DLG1: variants seen among roughly 807,000 people sequenced by gnomAD.
The protein encoded by DLG1 is disks large homolog 1.
In DLG1, 42 loss-of-function variants were observed where a neutral mutation model predicts 123.4. That is an observed-to-expected ratio of 0.34 (90% confidence interval 0.27 to 0.44). The LOEUF (loss-of-function observed/expected upper bound fraction) is 0.44, where lower values mean the gene tolerates loss of function less well. Among genes scored for constraint, DLG1 ranks in the 20% least tolerant of loss-of-function variants. The probability of loss-of-function intolerance (pLI) is 1.00; values close to 1 mark genes in which losing one functional copy is unlikely to be tolerated. For missense variants in DLG1, 942 were observed against 1,082.6 expected, an observed-to-expected ratio of 0.87 and a Z score of 1.82; for synonymous variants, 317 against 356.2, an observed-to-expected ratio of 0.89 and a Z score of 1.24.
chr3:197,194,352 C>CT, intron 5 of DLG1, 73 bp downstream of exon 5: 3 of 1,027,080 alleles, frequency 2.9e-6, no homozygotes, highest in Non-Finnish European at 3.9e-6. Flanking sequence ...GAATACTTCT[C>CT]TCCGAGCATG....
chr3:197,176,709 G>A (rs972379248), intron 5 of DLG1, among the ~76,000 whole-genome samples: 2 of 152,096 alleles, frequency 1.3e-5, no homozygotes, highest in African/African-American at 2.4e-5. Context: ...ACACACTGAG[G>A]AATATGTTGG....
chr3:197,071,669 C>A (rs1341432488), intron 18 of DLG1, among the ~76,000 whole-genome samples: 1 of 152,052 alleles, frequency 6.6e-6, no homozygotes, highest in Non-Finnish European at 1.5e-5. Context: ...AGTCAAATAA[C>A]CAATAAACAT....
At chr3:197,277,211 G>GTT (rs1020999300) in intron 4 of DLG1, among the ~76,000 whole-genome samples, 1 of 144,180 alleles carries the variant, frequency 6.9e-6, no homozygotes. Context: ...TACTTTTATG[G>GTT]TTTTTTTTTT....
chr3:197,257,454 G>A (rs1757370823), intron 4 of DLG1, among the ~76,000 whole-genome samples: 1 of 152,096 alleles, frequency 6.6e-6, no homozygotes, highest in South Asian at 2.1e-4. Flanking sequence ...ATGAACTTTT[G>A]GCAAGTAGGA....
At chr3:197,159,426 C>CT (rs1797874016) in intron 5 of DLG1, among the ~76,000 whole-genome samples, 1 of 152,152 alleles carries the variant, frequency 6.6e-6, no homozygotes, top group South Asian at 2.1e-4. Context: ...CGTTACCCCC[C>CT]ATTTTAATAG....
chr3:197,114,404 ATAGAAACAACACGCC>A (rs1466939567), intron 13 of DLG1, among the ~76,000 whole-genome samples: 1 of 152,254 alleles, frequency 6.6e-6, no homozygotes. Context: ...CTTTCGTTAA[ATAGAAACAACACGCC>A]AGACAACATA....
chr3:197,138,302 G>A lies in DLG1; in HGVS notation c.803C>T (p.Ser268Phe). ...KAVEALKEAG[S>F]IVRLYVKRRK... ...TCTTTTTACATACAAGCGTACAATAGACCCTGCTTCTTTCAACGCTTCAAC... is the reference window on the plus strand; with the variant it reads ...TCTTTTTACATACAAGCGTACAATAAACCCTGCTTCTTTCAACGCTTCAAC... Residue 268 changes from serine (S) to phenylalanine (F), a missense_variant, in exon 9 of 25, where the codon TCT becomes TTT. Ser to Phe is a radical substitution (Grantham distance 155). Transcript: ENST00000667157. 1.9e-6 allele frequency: 3 copies of A among 1,603,410 alleles called. No individual in the cohort carries two copies. The highest frequency in any genetic ancestry group is 1.3e-5 in the African/African-American group (1 of 74,790).
intron 5 of DLG1, among the ~76,000 whole-genome samples, chr3:197,190,827 G>A (rs1470512311): frequency 2.0e-5 from 3 of 152,164 alleles, no homozygotes; most frequent in Non-Finnish European, 2.9e-5. Flanking sequence ...TGGCTAACAC[G>A]GTGAAACCCC....
intron 4 of DLG1, among the ~76,000 whole-genome samples, chr3:197,244,313 T>C (rs1032156850): frequency 5.9e-5 from 9 of 152,302 alleles, no homozygotes; most frequent in African/African-American, 2.2e-4. Flanking sequence ...ATACAGTTCA[T>C]GCCTGGTAGA....
In DLG1 at chr3:197,176,254, A is replaced by G. The variant is rs147196053; in HGVS notation, c.483+18171T>C. ...TGCCCCCTGCTCACACACATAAACT[A>G]TCCATAATCAACACCCCTGCATTTC... On this transcript the variant is annotated intron_variant, in intron 5 of 24. Transcript: ENST00000667157. 5.9e-5 allele frequency among the ~76,000 whole-genome samples: 9 copies of G among 152,170 alleles called. No individual in the cohort carries two copies. In the East Asian group the frequency reaches 7.7e-4, roughly 13 times the overall value.
At chr3:197,103,625 TG>T (rs1196737097) in intron 14 of DLG1, among the ~76,000 whole-genome samples, 2 of 151,322 alleles carry the variant, frequency 1.3e-5, no homozygotes, top group African/African-American at 4.9e-5. Context: ...AATTTTCCCC[TG>T]TTTAGTTACT....
intron 11 of DLG1, among the ~76,000 whole-genome samples, chr3:197,121,367 A>G (rs977914216): frequency 6.6e-6 from 1 of 152,178 alleles, no homozygotes; most frequent in African/African-American, 2.4e-5. Context: ...ATATATTAAG[A>G]TGAATGATTC....
chr3:197,183,553 A>C, intron 5 of DLG1: 1 of 1,539,158 alleles, frequency 6.5e-7, no homozygotes, highest in Non-Finnish European at 8.8e-7. Flanking sequence ...ATTGAAAATA[A>C]TTTCAACAAG....
In DLG1 at chr3:197,119,852, C is replaced by A. The variant is rs913628025; in HGVS notation, c.1166-322G>T. ...AAAATCAGAGGCTTTCCAATAAGTG[C>A]GAAAAGACTATGTCCTTATACTAGC... is the stretch of plus-strand genomic sequence containing the variant. On this transcript the variant is annotated intron_variant, in intron 11 of 24. Transcript: ENST00000667157. Among the ~76,000 whole-genome samples, 102 of 152,004 alleles carry A rather than the reference C, an allele frequency of 6.7e-4. 1 individual carries two copies. Among genetic ancestry groups the A allele is most frequent in the Non-Finnish European group, 1.6e-4 (11 of 68,022 alleles).
At chr3:197,102,757 C>T (rs1764195801) in intron 14 of DLG1, among the ~76,000 whole-genome samples, 1 of 152,198 alleles carries the variant, frequency 6.6e-6, no homozygotes, top group African/African-American at 2.4e-5. Context: ...TGCCTGTAAT[C>T]CCACCTACTT....
At chr3:197,134,167 G>C (rs1783993120) in intron 10 of DLG1, among the ~76,000 whole-genome samples, 1 of 152,118 alleles carries the variant, frequency 6.6e-6, no homozygotes, top group Non-Finnish European at 1.5e-5. Context: ...AAAGAGTGGT[G>C]ATCTTAGCTG....
chr3:197,288,737 AAAAAAAATACATACATAC>A (rs1203238306), intron 3 of DLG1, among the ~76,000 whole-genome samples: 1 of 57,314 alleles, frequency 1.7e-5, no homozygotes, highest in African/African-American at 1.1e-4. Flanking sequence ...AAAAAAAAAA[AAAAAAAATACATACATAC>A]ATACATACAT....
intron 4 of DLG1, among the ~76,000 whole-genome samples, chr3:197,219,607 A>AG (rs914066111): frequency 2.0e-5 from 3 of 152,184 alleles, no homozygotes; most frequent in African/African-American, 7.2e-5. Context: ...CTAGTACCTC[A>AG]GAATGTATCT....
intron 5 of DLG1, among the ~76,000 whole-genome samples, chr3:197,153,101 C>T (rs1316317493): frequency 1.3e-5 from 2 of 152,278 alleles, no homozygotes; most frequent in East Asian, 3.9e-4. Flanking sequence ...AAGTGCTTTA[C>T]AAGTGCTTTT....
Sources: gnomAD v4.1 joint callset for allele counts (sites outside exome capture counted in the v4.1 genomes callset) on GRCh38, gnomAD v4.1.1 for gene constraint, MANE v1.5 for transcripts, NCBI Gene and HGNC (gene_info 2026-07-23, HGNC 2026-07-21) for gene names.